CACNA2D1: variants seen among roughly 807,000 people sequenced by gnomAD.
The protein encoded by CACNA2D1 is voltage-dependent calcium channel subunit alpha-2/delta-1.
Under a neutral mutation model 171.5 loss-of-function variants are expected in CACNA2D1, and 53 were observed. The ratio of observed to expected loss-of-function variants is 0.31; its 90% CI spans 0.25 to 0.39. CACNA2D1 has a LOEUF of 0.39. Ranked by LOEUF, CACNA2D1 falls within the 10% of genes least tolerant of loss-of-function variation. The pLI is 1.00. For missense variants in CACNA2D1, 903 were observed against 1,299.8 expected (o/e 0.69, Z 4.69); for synonymous variants, 442 against 443.1 (o/e 1.00, Z 0.03).
intron 1 of CACNA2D1, among the ~76,000 whole-genome samples, chr7:82,372,455 T>C (rs998581426): frequency 2.0e-5 from 3 of 152,112 alleles, no homozygotes; most frequent in African/African-American, 7.2e-5. Flanking sequence ...TTCAATCCTC[T>C]GGAAATAAGT....
chr7:82,281,703 G>T (rs1329920887), intron 3 of CACNA2D1, among the ~76,000 whole-genome samples: 5 of 152,002 alleles, frequency 3.3e-5, no homozygotes, highest in Non-Finnish European at 5.9e-5. Flanking sequence ...TATTTTTATA[G>T]AATTTGTATC....
intron 1 of CACNA2D1, among the ~76,000 whole-genome samples, chr7:82,431,432 C>G (rs1829665215): frequency 6.6e-6 from 1 of 152,120 alleles, no homozygotes; most frequent in Non-Finnish European, 1.5e-5. Flanking sequence ...AAAATACTAT[C>G]TTTGTTCTAC....
intron 3 of CACNA2D1, among the ~76,000 whole-genome samples, chr7:82,216,774 C>T (rs1332369735): frequency 2.6e-5 from 4 of 151,228 alleles, no homozygotes; most frequent in South Asian, 4.2e-4. Context: ...AAGGACAGAA[C>T]GTCCTAGATA....
intron 4 of CACNA2D1, among the ~76,000 whole-genome samples, chr7:82,162,343 G>T (rs987753939): frequency 2.0e-5 from 3 of 151,854 alleles, no homozygotes; most frequent in Non-Finnish European, 4.4e-5. Flanking sequence ...GTATGTGGAT[G>T]AAAAGATAAA....
intron 5 of CACNA2D1, among the ~76,000 whole-genome samples, chr7:82,123,820 G>A (rs1029832914): frequency 3.3e-5 from 5 of 152,056 alleles, no homozygotes; most frequent in Non-Finnish European, 5.9e-5. Flanking sequence ...TATAGTAATA[G>A]CTAGTATATA....
intron 3 of CACNA2D1, among the ~76,000 whole-genome samples, chr7:82,269,579 A>G (rs1808352274): frequency 6.6e-6 from 1 of 152,180 alleles, no homozygotes; most frequent in South Asian, 2.1e-4. Context: ...GTACTTGTGC[A>G]TCTACAAGAA....
intron 3 of CACNA2D1, among the ~76,000 whole-genome samples, chr7:82,284,672 T>C (rs1296629255): frequency 6.6e-6 from 1 of 152,136 alleles, no homozygotes; most frequent in Non-Finnish European, 1.5e-5. Flanking sequence ...CAAGCCCTTC[T>C]GTACAGCGCT....
At chr7:82,190,591 T>A (rs760808266) in intron 3 of CACNA2D1, among the ~76,000 whole-genome samples, 1 of 151,756 alleles carries the variant, frequency 6.6e-6, no homozygotes, top group Non-Finnish European at 1.5e-5. Flanking sequence ...TTACCCATCA[T>A]CCAACTGCAA....
intron 15 of CACNA2D1, among the ~76,000 whole-genome samples, chr7:82,008,177 ATTCT>A (rs796947888): frequency 2.0e-5 from 3 of 152,172 alleles, no homozygotes; most frequent in African/African-American, 4.8e-5. Flanking sequence ...TTGTAGCCTT[ATTCT>A]TTATTTTTTA....
intron 3 of CACNA2D1, among the ~76,000 whole-genome samples, chr7:82,330,415 T>C (rs1258830105): frequency 1.3e-5 from 2 of 152,128 alleles, no homozygotes; most frequent in Non-Finnish European, 2.9e-5. Context: ...AACCCTCCAC[T>C]TTTTAACTTC....
intron 1 of CACNA2D1, among the ~76,000 whole-genome samples, chr7:82,378,936 CTCGTGT>C (rs1167813450): frequency 5.5e-4 from 62 of 112,334 alleles, no homozygotes; most frequent in Non-Finnish European, 7.6e-4. Flanking sequence ...CAGGGGTTGA[CTCGTGT>C]GTGTGTGTGT....
intron 38 of CACNA2D1, among the ~76,000 whole-genome samples, chr7:81,953,130 C>T (rs560418561): frequency 6.6e-6 from 1 of 152,102 alleles, no homozygotes; most frequent in South Asian, 2.1e-4. Context: ...AAATACATCC[C>T]CAAACTTACT....
intron 8 of CACNA2D1, among the ~76,000 whole-genome samples, 188 bp from the exon 9 acceptor site, chr7:82,064,542 T>C (rs1660619838): frequency 6.6e-6 from 1 of 152,120 alleles, no homozygotes; most frequent in Non-Finnish European, 1.5e-5. Context: ...ATATCCAATA[T>C]AACAATAGAG....
rs557380793 is a variant in CACNA2D1 at position 82,297,159 on chromosome 7, A to T, written c.294+37976T>A. 5.3e-5 allele frequency among the ~76,000 whole-genome samples: 8 copies of T among 151,520 alleles called. No individual in the cohort carries two copies. In the East Asian group the frequency reaches 1.6e-3, roughly 30 times the overall value. ...CTAATCAGGTGGCTGAGGCAGGTGA[A>T]TGAATCCCTTGAGCCCAGGAGGCTG... On this transcript the variant is annotated intron_variant, in intron 3 of 38. Coordinates refer to ENST00000356860, the MANE Select transcript of CACNA2D1 (RefSeq NM_000722.4).
At chr7:82,412,597 A>G (rs181491359) in intron 1 of CACNA2D1, among the ~76,000 whole-genome samples, 3 of 151,976 alleles carry the variant, frequency 2.0e-5, no homozygotes, top group Non-Finnish European at 1.5e-5. Context: ...GCTTGTAACT[A>G]TTTAAACCAT....
intron 1 of CACNA2D1, among the ~76,000 whole-genome samples, chr7:82,434,877 C>T (rs1217127435): frequency 6.6e-6 from 1 of 151,968 alleles, no homozygotes; most frequent in African/African-American, 2.4e-5. Context: ...GACCTCTCCA[C>T]AAAATGAAAC....
chr7:82,006,479 T>C (rs552495369), intron 16 of CACNA2D1, among the ~76,000 whole-genome samples: 1 of 152,208 alleles, frequency 6.6e-6, no homozygotes, highest in East Asian at 1.9e-4. Context: ...AGATGGAAAT[T>C]GTTTTAAAAT....
intron 3 of CACNA2D1, among the ~76,000 whole-genome samples, chr7:82,181,309 C>T (rs1365762606): frequency 6.6e-6 from 1 of 152,114 alleles, no homozygotes; most frequent in African/African-American, 2.4e-5. Flanking sequence ...TTCAGACTCT[C>T]ACTATCATTT....
intron 1 of CACNA2D1, among the ~76,000 whole-genome samples, chr7:82,412,289 T>TC (rs1827757013): frequency 6.6e-6 from 1 of 150,754 alleles, no homozygotes; most frequent in African/African-American, 2.4e-5. Flanking sequence ...ACTTTTTTTT[T>TC]TTTTTTTTTT....
Sources: allele counts gnomAD v4.1 joint callset (sites outside exome capture counted in the v4.1 genomes callset), GRCh38; gene constraint gnomAD v4.1.1; transcripts MANE v1.5; gene names NCBI Gene and HGNC (gene_info 2026-07-23, HGNC 2026-07-21).